The following PTPRS variants were observed in gnomAD, a reference collection of about 807,000 sequenced individuals.
PTPRS encodes the protein protein tyrosine phosphatase receptor type S, also known as receptor-type tyrosine-protein phosphatase S.
In PTPRS, 63 loss-of-function variants were observed where a neutral mutation model predicts 215.3. The observed-to-expected ratio is 0.29, with a 90% CI of 0.24 to 0.36. The LOEUF (loss-of-function observed/expected upper bound fraction) is 0.36, where lower values mean the gene tolerates loss of function less well. Among genes scored for constraint, PTPRS ranks in the 10% least tolerant of loss-of-function variants. The pLI, the probability that PTPRS is intolerant of heterozygous loss-of-function variation, is 1.00. For synonymous variants in PTPRS, 1,404 were observed against 1,191.4 expected, an observed-to-expected ratio of 1.18 and a Z score of -3.68; for missense variants, 2,258 against 2,825.8, an observed-to-expected ratio of 0.80 and a Z score of 4.56.
chr19:5,223,522 C>G (rs1469430732), intron 17 of PTPRS, among the ~76,000 whole-genome samples: 1 of 151,010 alleles, frequency 6.6e-6, no homozygotes, highest in Admixed American at 6.6e-5. Flanking sequence ...TCCCAAAGTG[C>G]TAGGATTATA....
intron 1 of PTPRS, among the ~76,000 whole-genome samples, chr19:5,302,292 A>G (rs1169285325): frequency 6.6e-6 from 1 of 152,120 alleles, no homozygotes; most frequent in African/African-American, 2.4e-5. Context: ...TGTGACCAGG[A>G]GTTTGAGGTT....
rs1269493731 is a variant in PTPRS at position 5,211,973 on chromosome 19, C to T, written c.5047G>A (p.Glu1683Lys). Residue 1683 changes from glutamate to lysine, a missense_variant, in exon 32 of 38, where the codon GAG becomes AAG. This residue lies in a region of PTPRS where 927 missense variants were observed against 1,125.9 expected (regional missense o/e 0.82). Coordinates refer to ENST00000262963, the MANE Select transcript of PTPRS (RefSeq NM_002850.4). ...CTCCACCCCGCTGGCACCTTGAACT[C>T]GAGTTCCATGCCAGTGACGTGTTCG... is the stretch of plus-strand genomic sequence containing the variant. ...PGEHVTGMELEFKRLANSKAH... is the reference protein window; with the variant it reads ...PGEHVTGMELKFKRLANSKAH... The T allele has an allele frequency of 6.9e-6, 11 of 1,602,176 alleles. No individual in the cohort carries two copies. The highest frequency in any genetic ancestry group is 3.3e-5 in the South Asian group (3 of 90,124).
intron 1 of PTPRS, among the ~76,000 whole-genome samples, chr19:5,340,382 C>A (rs1400585598): frequency 6.6e-6 from 1 of 151,354 alleles, no homozygotes; most frequent in African/African-American, 2.4e-5. Flanking sequence ...AGCCCAGCCC[C>A]CTCCCACGCC....
intron 36 of PTPRS, 84 bp from the exon 37 acceptor site, chr19:5,208,141 A>G (rs2144924875): frequency 6.4e-7 from 1 of 1,572,916 alleles, no homozygotes; most frequent in East Asian, 2.3e-5. Flanking sequence ...CGAGGACTCT[A>G]ACAGCCCAGA....
At chr19:5,291,903 C>G (rs2048849591) in intron 1 of PTPRS, among the ~76,000 whole-genome samples, 1 of 151,888 alleles carries the variant, frequency 6.6e-6, no homozygotes, top group Non-Finnish European at 1.5e-5. Flanking sequence ...TCCCTTGACA[C>G]CTTGATCCCC....
intron 16 of PTPRS, 99 bp downstream of exon 16, chr19:5,229,217 C>T (rs954752736): frequency 2.1e-5 from 26 of 1,239,056 alleles, no homozygotes; most frequent in Admixed American, 4.0e-5. Flanking sequence ...AGGAGGAGAC[C>T]GTTTTACTAC....
Position 5,339,003 on chromosome 19 carries a change from C to T in PTPRS, c.-95+1661G>A, listed in dbSNP as rs1488878718. Among the ~76,000 whole-genome samples the T allele has an allele frequency of 6.6e-6, 1 of 152,200 alleles. No individual in the cohort carries two copies. The highest frequency in any genetic ancestry group is 2.4e-5 in the African/African-American group (1 of 41,452). ...GACGGGAGCCCGGAGCGTGTGGGTC[C>T]CTGTCCTTGGGACCCTAGGGGTCTC... On this transcript the variant is annotated intron_variant, in intron 1 of 37. Transcript: ENST00000262963. This position sits in a 1 kb window ranked among gnomAD's most constrained non-coding sequence, Gnocchi z 4.2.
Position 5,237,418 on chromosome 19 carries a change from G to A in PTPRS, c.1849+1501C>T, listed in dbSNP as rs8103982. Among the ~76,000 whole-genome samples the A allele has an allele frequency of 4.5e-3, 680 of 152,368 alleles. 4 individuals are homozygous for A. The highest frequency in any genetic ancestry group is 0.014 in the African/African-American group (592 of 41,594). ...CTGTCCTGGGCCGCCCCGGAGGTTC[G>A]CGTGGCTGGGCCGAAGCCGCTTTCT... is the stretch of plus-strand genomic sequence containing the variant. On this transcript the variant is annotated intron_variant, in intron 13 of 37. Transcript: ENST00000262963. The surrounding 1 kb of genome is among the most constrained non-coding windows in gnomAD (Gnocchi z 4.2).
At chr19:5,321,558 G>A (rs945819209) in intron 1 of PTPRS, among the ~76,000 whole-genome samples, 1 of 152,224 alleles carries the variant, frequency 6.6e-6, no homozygotes, top group Admixed American at 6.5e-5. Context: ...CCTCAGTGCT[G>A]TAAGGAGTTT....
At chr19:5,220,416 G>A in intron 20 of PTPRS, 63 bp from the exon 21 acceptor site, 1 of 1,306,280 alleles carries the variant, frequency 7.7e-7, no homozygotes, top group African/African-American at 1.4e-5. Flanking sequence ...GATGCTTCAT[G>A]GGGGCAAACG....
chr19:5,214,547 G>C lies in PTPRS; in HGVS notation c.4494+14C>G. ...ACTGGCAGGGGCTTGAGGGCCGTGGGGTCCAAGGCTCACCCGTGACTTCTC... is the reference window on the plus strand; with the variant it reads ...ACTGGCAGGGGCTTGAGGGCCGTGGCGTCCAAGGCTCACCCGTGACTTCTC... On this transcript the variant is annotated intron_variant, in intron 29 of 37. Transcript: ENST00000262963. 6.2e-7 allele frequency: 1 copy of C among 1,611,106 alleles called. No homozygotes were observed. Among genetic ancestry groups the C allele is most frequent in the Non-Finnish European group, 8.5e-7 (1 of 1,177,938 alleles).
chr19:5,246,127 G>A (rs916433676), intron 9 of PTPRS, 82 bp from the exon 10 acceptor site: 6 of 755,824 alleles, frequency 7.9e-6, no homozygotes, highest in African/African-American at 1.8e-5. Flanking sequence ...GACAGGATGC[G>A]GAGGAGAAAA....
At chr19:5,284,947 C>G (rs1440517940) in intron 2 of PTPRS, among the ~76,000 whole-genome samples, 1 of 149,440 alleles carries the variant, frequency 6.7e-6, no homozygotes, top group Non-Finnish European at 1.5e-5. Context: ...GACCCCATCT[C>G]AAAAGGAAAA....
At chr19:5,268,530 C>T (rs2046627703) in intron 4 of PTPRS, among the ~76,000 whole-genome samples, 1 of 151,820 alleles carries the variant, frequency 6.6e-6, no homozygotes, top group Non-Finnish European at 1.5e-5. Flanking sequence ...GGCAGGAGGC[C>T]AAGATGGGGC....
chr19:5,246,742 G>A (rs866626044), intron 9 of PTPRS, among the ~76,000 whole-genome samples: 1 of 152,180 alleles, frequency 6.6e-6, no homozygotes, highest in South Asian at 2.1e-4. Flanking sequence ...CCTCCGACCG[G>A]GCCCTCCAGG....
At chr19:5,322,318 T>G (rs2050045008) in intron 1 of PTPRS, among the ~76,000 whole-genome samples, 1 of 152,188 alleles carries the variant, frequency 6.6e-6, no homozygotes, top group African/African-American at 2.4e-5. Context: ...ACCAGCTATA[T>G]TTTTAAAAAC....
At position 5,244,087 on chromosome 19, in the gene PTPRS, C is replaced by T. The variant is rs73545312; in HGVS notation, c.1384G>A (p.Val462Ile). 4.3e-5 allele frequency: 69 copies of T among 1,609,796 alleles called. No homozygotes were observed. In the African/African-American group the frequency reaches 6.9e-4, roughly 16 times the overall value. ...TGCTCCGGTTCCATGGTGTAGTAGA[C>T]GCGGTAGCCGCGGATCAGGCCGTTG... Reference protein sequence around the residue: ...EPNGLIRGYRVYYTMEPEHPV... With the variant: ...EPNGLIRGYRIYYTMEPEHPV... The change falls in exon 11 of 38, where the codon GTC (valine) becomes ATC (isoleucine). Residue 462 changes from valine (V) to isoleucine (I), a missense_variant. Physicochemically the swap from Val to Ile is conservative, Grantham distance 29 (BLOSUM62 3). Transcript: ENST00000262963. The surrounding 1 kb of genome is among the most constrained non-coding windows in gnomAD (Gnocchi z 7.2).
rs1200194898 is a variant in PTPRS, at chr19:5,338,751, C to G, written c.-95+1913G>C. Among the ~76,000 whole-genome samples, 1 of 152,174 alleles carries G rather than the reference C, an allele frequency of 6.6e-6. No individual in the cohort carries two copies. Among genetic ancestry groups the G allele is most frequent in the Non-Finnish European group, 1.5e-5 (1 of 68,024 alleles). On this transcript the variant is annotated intron_variant, in intron 1 of 37. Coordinates refer to ENST00000262963, the MANE Select transcript of PTPRS (RefSeq NM_002850.4). The surrounding 1 kb of genome is among the most constrained non-coding windows in gnomAD (Gnocchi z 4.2). ...AGGGGACTTATGCAAATGGCAGATT[C>G]GACCAAGTCCCTGGGCCATTAATAA...
In PTPRS at chr19:5,212,223, A is replaced by G. The variant is rs2040965363; in HGVS notation, c.4797T>C (p.Phe1599=). 6.2e-7 allele frequency: 1 copy of G among 1,612,632 alleles called. No homozygotes were observed. The highest frequency in any genetic ancestry group is 1.7e-5 in the Admixed American group (1 of 60,002). Residue 1599 remains phenylalanine (F), a synonymous_variant, in exon 32 of 38, where the codon TTT becomes TTC. Transcript: ENST00000262963. The stretch of plus-strand genomic sequence containing the variant: ...GCTCAAGCATGGCGTCGATGACGAT[A>G]AAGCAGCCTGTGCGGCCCACACCGG... The part of the protein sequence containing the change: ...CSAGVGRTGC[F]IVIDAMLERI...
Sources: allele counts gnomAD v4.1 joint callset (sites outside exome capture counted in the v4.1 genomes callset), GRCh38; gene constraint gnomAD v4.1.1; regional missense constraint gnomAD v4.1.1; non-coding constraint Gnocchi (gnomAD v3.1); transcripts MANE v1.5; gene names NCBI Gene and HGNC (gene_info 2026-07-23, HGNC 2026-07-21).